Variants in PTPRD observed in about 807,000 individuals in gnomAD.
PTPRD encodes protein tyrosine phosphatase receptor type D, also known as receptor-type tyrosine-protein phosphatase delta.
In PTPRD, 34 loss-of-function variants were observed where a neutral mutation model predicts 214.5. The ratio of observed to expected loss-of-function variants is 0.16; its 90% CI spans 0.12 to 0.21. The LOEUF is 0.21. Among genes scored for constraint, PTPRD ranks in the 10% least tolerant of loss-of-function variants. The pLI, the probability that PTPRD is intolerant of heterozygous loss-of-function variation, is 1.00. For synonymous variants in PTPRD, 1,128 were observed against 845.7 expected, an observed-to-expected ratio of 1.33 and a Z score of -5.79; for missense variants, 2,545 against 2,398.7, an observed-to-expected ratio of 1.06 and a Z score of -1.27.
At chr9:9,905,910 G>C (rs2077460101) in intron 5 of PTPRD, among the ~76,000 whole-genome samples, 1 of 151,948 alleles carries the variant, frequency 6.6e-6, no homozygotes, top group African/African-American at 2.4e-5. Context: ...TGTGTGTGGA[G>C]AATTAACAGA....
intron 3 of PTPRD, among the ~76,000 whole-genome samples, chr9:10,322,094 TATTAC>T (rs1322337408): frequency 6.6e-6 from 1 of 151,984 alleles, no homozygotes; most frequent in Non-Finnish European, 1.5e-5. Context: ...GCATGAGGGT[TATTAC>T]ATTAGTGTTT....
chr9:9,115,392 T>C (rs902069192), intron 10 of PTPRD, among the ~76,000 whole-genome samples: 1 of 152,166 alleles, frequency 6.6e-6, no homozygotes, highest in Non-Finnish European at 1.5e-5. Flanking sequence ...TCACCATCAC[T>C]AATCATCAGG....
intron 14 of PTPRD, among the ~76,000 whole-genome samples, chr9:8,610,974 T>C (rs2095425776): frequency 6.6e-6 from 1 of 152,206 alleles, no homozygotes; most frequent in African/African-American, 2.4e-5. Flanking sequence ...TCAACAACCA[T>C]TATGGTTTTA....
rs1287549914 is a variant in PTPRD at position 9,697,798 on chromosome 9, G to C, written c.-287+36735C>G. Among the ~76,000 whole-genome samples the C allele has an allele frequency of 2.0e-5, 3 of 151,998 alleles. No homozygotes were observed. In the East Asian group the frequency reaches 5.8e-4, roughly 29 times the overall value. On this transcript the variant is annotated intron_variant, in intron 7 of 45. Transcript: ENST00000381196. ...CTTCCTCGAACACAAATAATTCTTA[G>C]ATTTCCTCTTTTGAGATAATTTTAC...
chr9:8,626,677 C>T (rs1426346950), intron 14 of PTPRD, among the ~76,000 whole-genome samples: 2 of 151,722 alleles, frequency 1.3e-5, no homozygotes, highest in Non-Finnish European at 2.9e-5. Context: ...AGCTGAGCCT[C>T]ACCTAAGGAA....
At chr9:8,420,214 A>G (rs548460569) in intron 35 of PTPRD, among the ~76,000 whole-genome samples, 1 of 152,160 alleles carries the variant, frequency 6.6e-6, no homozygotes, top group Admixed American at 6.6e-5. Context: ...AAATTTATGC[A>G]TCATTTATTT....
intron 11 of PTPRD, among the ~76,000 whole-genome samples, chr9:8,821,739 C>G (rs1369889823): frequency 6.6e-6 from 1 of 152,172 alleles, no homozygotes; most frequent in African/African-American, 2.4e-5. Flanking sequence ...AATCTCGGCT[C>G]ACGGCAACCT....
Position 8,341,196 on chromosome 9 carries a change from G to A in PTPRD, c.5020C>T (p.Arg1674Cys), listed in dbSNP as rs138775068. The A allele has an allele frequency of 1.2e-6, 2 of 1,612,828 alleles. No individual in the cohort carries two copies. Among genetic ancestry groups the A allele is most frequent in the East Asian group, 2.2e-5 (1 of 44,812 alleles). ...TCATATGGCATAATATTAACAAGGC[G>A]ATTTTTGAATTTATTACATGGAAGA... ...ANLPCNKFKN[R>C]LVNIMPYEST... Residue 1674 changes from arginine (R) to cysteine (C), a missense_variant, in exon 41 of 46, where the codon CGC becomes TGC. Arg to Cys is a radical substitution (Grantham distance 180, BLOSUM62 -3). Coordinates refer to ENST00000381196, the MANE Select transcript of PTPRD (RefSeq NM_002839.4).
chr9:9,961,345 G>A (rs934849814), intron 4 of PTPRD, among the ~76,000 whole-genome samples: 1 of 152,090 alleles, frequency 6.6e-6, no homozygotes, highest in East Asian at 1.9e-4. Flanking sequence ...GAAACAATAG[G>A]CAATGTATTT....
intron 4 of PTPRD, among the ~76,000 whole-genome samples, chr9:10,007,859 A>T (rs963630393): frequency 1.3e-5 from 2 of 152,032 alleles, no homozygotes; most frequent in African/African-American, 4.8e-5. Flanking sequence ...TTATCAGCCA[A>T]TAGTTACTTT....
chr9:8,613,015 C>T (rs1417624940), intron 14 of PTPRD, among the ~76,000 whole-genome samples: 1 of 152,088 alleles, frequency 6.6e-6, no homozygotes, highest in Non-Finnish European at 1.5e-5. Context: ...GTAGTTAGTA[C>T]TTTCATGTGT....
chr9:10,125,749 T>A (rs1360469358), intron 3 of PTPRD, among the ~76,000 whole-genome samples: 1 of 151,982 alleles, frequency 6.6e-6, no homozygotes, highest in African/African-American at 2.4e-5. Context: ...CCCAAAGTGC[T>A]GGGATTATAG....
intron 3 of PTPRD, among the ~76,000 whole-genome samples, chr9:10,140,316 A>G (rs955691049): frequency 6.9e-5 from 10 of 145,208 alleles, no homozygotes; most frequent in African/African-American, 2.3e-4. Context: ...CAAGCAGAAA[A>G]CAATCATTAA....
chr9:9,776,031 A>T (rs2098796272), intron 5 of PTPRD, among the ~76,000 whole-genome samples: 1 of 148,710 alleles, frequency 6.7e-6, no homozygotes, highest in African/African-American at 2.5e-5. Context: ...GCTTCTCATC[A>T]CCTAGGTTAA....
At chr9:8,467,488 CTAA>C (rs2096566890) in intron 31 of PTPRD, among the ~76,000 whole-genome samples, 1 of 151,734 alleles carries the variant, frequency 6.6e-6, no homozygotes, top group East Asian at 1.9e-4. Flanking sequence ...ATAAGGATGG[CTAA>C]TATTATCCTC....
chr9:8,635,145 A>C (rs1203314000), intron 13 of PTPRD, among the ~76,000 whole-genome samples: 1 of 149,606 alleles, frequency 6.7e-6, no homozygotes, highest in Non-Finnish European at 1.5e-5. Context: ...CAGTTTGATG[A>C]AGCTGCTTTG....
intron 7 of PTPRD, among the ~76,000 whole-genome samples, chr9:9,649,033 T>G (rs1434677434): frequency 6.6e-6 from 1 of 152,136 alleles, no homozygotes; most frequent in Non-Finnish European, 1.5e-5. Context: ...GAGGCCTCAG[T>G]TTCCCAAGTC....
intron 11 of PTPRD, among the ~76,000 whole-genome samples, chr9:8,738,973 T>C (rs2091205285): frequency 6.6e-6 from 1 of 152,208 alleles, no homozygotes. Context: ...AAGGAGTATG[T>C]CCCCAAATTA....
chr9:9,774,120 C>G (rs2098776943), intron 5 of PTPRD, among the ~76,000 whole-genome samples: 1 of 152,148 alleles, frequency 6.6e-6, no homozygotes, highest in Admixed American at 6.6e-5. Context: ...ACTGACAATG[C>G]TAAGGATATC....
Sources: gnomAD v4.1 joint callset for allele counts (sites outside exome capture counted in the v4.1 genomes callset) on GRCh38, gnomAD v4.1.1 for gene constraint, MANE v1.5 for transcripts, NCBI Gene and HGNC (gene_info 2026-07-23, HGNC 2026-07-21) for gene names.